SPAG11A: variants seen among roughly 807,000 people sequenced by gnomAD.
The protein encoded by SPAG11A is sperm associated antigen 11A.
In SPAG11A, 2 loss-of-function variants were observed where a neutral mutation model predicts 5.5. The observed-to-expected ratio is 0.37, with a 90% CI of 0.15 to 1.15. SPAG11A has a LOEUF of 1.15. Among genes scored for constraint, SPAG11A ranks in the 50% most tolerant of loss-of-function variants. SPAG11A has a pLI of 0.38. For missense variants in SPAG11A, 24 were observed against 122.5 expected (o/e 0.20, Z 3.80); for synonymous variants, 11 against 42.7 (o/e 0.26, Z 2.90).
chr8:7,860,980 T>G, downstream of SPAG11A: 1 of 744,914 alleles, frequency 1.3e-6, no homozygotes, highest in Non-Finnish European at 1.9e-6. Flanking sequence ...TTTAACTTCC[T>G]TACTTCTCCA....
chr8:7,861,164 G>T (rs1818202508), downstream of SPAG11A, among the ~76,000 whole-genome samples: 1 of 31,034 alleles, frequency 3.2e-5, no homozygotes, highest in African/African-American at 3.9e-5. Context: ...TCCATCTGAT[G>T]ACTTCTTTCT....
chr8:7,860,459 G>A, intron 2 of SPAG11A, 187 bp from the exon 3 acceptor site: 3 of 1,417,774 alleles, frequency 2.1e-6, no homozygotes, highest in South Asian at 1.4e-5. Context: ...CATCCTCCTG[G>A]CAACATTTCA....
downstream of SPAG11A, among the ~76,000 whole-genome samples, chr8:7,863,213 ATTTTTTTTTTTT>A (rs869056010): frequency 1.3e-4 from 1 of 7,540 alleles, no homozygotes; most frequent in Non-Finnish European, 2.9e-4. Flanking sequence ...TGCAGATGGG[ATTTTTTTTTTTT>A]TTTTTTTTTT....
chr8:7,853,050 A>C (rs1473828394), intron 2 of SPAG11A, among the ~76,000 whole-genome samples: 1 of 4,416 alleles, frequency 2.3e-4, no homozygotes. Context: ...GATTGTTTTA[A>C]AACTGCATTT....
intron 2 of SPAG11A, among the ~76,000 whole-genome samples, chr8:7,852,861 T>TC (rs1427968973): frequency 5.5e-5 from 2 of 36,306 alleles, no homozygotes; most frequent in East Asian, 5.4e-4. Context: ...CTTCTATTTT[T>TC]TTTTTTTTTT....
chr8:7,852,572 ATCT>A (rs1563457860), intron 2 of SPAG11A, among the ~76,000 whole-genome samples: 9 of 151,954 alleles, frequency 5.9e-5, no homozygotes, highest in African/African-American at 2.2e-4. Context: ...ACCTCAGGTG[ATCT>A]GTCCGCCTCG....
chr8:7,858,018 C>A (rs1287808050), intron 2 of SPAG11A, among the ~76,000 whole-genome samples: 1 of 104,654 alleles, frequency 9.6e-6, no homozygotes, highest in African/African-American at 2.8e-5. Context: ...GTAATATAGG[C>A]AAGTCCAGAA....
downstream of SPAG11A, among the ~76,000 whole-genome samples, chr8:7,863,008 T>C (rs1245474096): frequency 8.0e-5 from 4 of 50,254 alleles, no homozygotes; most frequent in Admixed American, 1.2e-3. Flanking sequence ...CTCTGGGATA[T>C]TGGGCAGATC....
chr8:7,852,236 C>G (rs1393416108), intron 2 of SPAG11A, among the ~76,000 whole-genome samples: 1 of 151,718 alleles, frequency 6.6e-6, no homozygotes, highest in Non-Finnish European at 1.5e-5. Context: ...TGTAGTTGAG[C>G]GTTTTTTCTT....
rs773222499 is a variant in SPAG11A at position 7,860,394 on chromosome 8, G to A, written c.215-252G>A. 2.0e-5 allele frequency: 29 copies of A among 1,429,094 alleles called. 4 individuals are homozygous for A. The highest frequency in any genetic ancestry group is 1.8e-4 in the Admixed American group (10 of 55,656). 88.5% of individuals were successfully genotyped at this position (1,429,094 alleles called of 1,614,324 possible). On this transcript the variant is annotated intron_variant, in intron 2 of 2. Coordinates refer to ENST00000642566, the Ensembl canonical transcript of SPAG11A. ...TCGAGGACCCTCATTTAAGATCTGC[G>A]TGGGCTTTTTAGGGCCTAGATGGGC...
Sources: gnomAD v4.1 joint callset for allele counts (sites outside exome capture counted in the v4.1 genomes callset) on GRCh38, gnomAD v4.1.1 for gene constraint, MANE v1.5 for transcripts, NCBI Gene and HGNC (gene_info 2026-07-23, HGNC 2026-07-21) for gene names.